MAF: variants seen among roughly 807,000 people sequenced by gnomAD.
MAF encodes the protein transcription factor Maf.
In MAF, 10 loss-of-function variants were observed where a neutral mutation model predicts 22.0. The ratio of observed to expected loss-of-function variants is 0.45; its 90% CI spans 0.28 to 0.77. The LOEUF (loss-of-function observed/expected upper bound fraction) is 0.77. MAF is among the 30% of genes least tolerant of loss of function. The pLI is 0.12. For missense variants in MAF, 544 were observed against 548.4 expected, an observed-to-expected ratio of 0.99 and a Z score of 0.08; for synonymous variants, 337 against 255.8, an observed-to-expected ratio of 1.32 and a Z score of -3.03.
the MAF span, among the ~76,000 whole-genome samples, chr16:79,494,136 CA>C: frequency 1.3e-5 from 2 of 152,142 alleles, no homozygotes; most frequent in African/African-American, 4.8e-5. Flanking sequence ...GCTGCCATAA[CA>C]AATGACCATG....
chr16:79,217,657 T>G, the MAF span, among the ~76,000 whole-genome samples: 1 of 152,164 alleles, frequency 6.6e-6, no homozygotes, highest in African/African-American at 2.4e-5. Context: ...GGCCAGTTTC[T>G]CTGCAGTCGT....
At chr16:79,340,687 C>CT in the MAF span, among the ~76,000 whole-genome samples, 1 of 151,916 alleles carries the variant, frequency 6.6e-6, no homozygotes, top group Non-Finnish European at 1.5e-5. Flanking sequence ...CATCGAGTAT[C>CT]TTGCTCATTG....
At chr16:79,274,830 A>C in the MAF span, among the ~76,000 whole-genome samples, 3 of 152,158 alleles carry the variant, frequency 2.0e-5, no homozygotes, top group African/African-American at 4.8e-5. Flanking sequence ...GATTGAACAT[A>C]TTCTAGACAG....
At chr16:79,291,318 C>G in the MAF span, among the ~76,000 whole-genome samples, 1 of 152,068 alleles carries the variant, frequency 6.6e-6, no homozygotes, top group Admixed American at 6.5e-5. Flanking sequence ...GTGGGAGGGA[C>G]GGAGAAGCCA....
the MAF span, among the ~76,000 whole-genome samples, chr16:79,305,446 T>C: frequency 2.2e-3 from 333 of 152,170 alleles, no homozygotes; most frequent in African/African-American, 7.6e-3. Context: ...CCCTGGGGCT[T>C]GTGGGGAGTG....
At chr16:79,573,759 A>T in the MAF span, among the ~76,000 whole-genome samples, 1 of 152,158 alleles carries the variant, frequency 6.6e-6, no homozygotes, top group Non-Finnish European at 1.5e-5. Flanking sequence ...TAATAGCACT[A>T]GTGCAGACTA....
At chr16:79,574,303 A>G in the MAF span, among the ~76,000 whole-genome samples, 69 of 152,332 alleles carry the variant, frequency 4.5e-4, no homozygotes, top group African/African-American at 1.6e-3. Flanking sequence ...TTTAGCCCCA[A>G]TCACACAGTA....
At chr16:79,335,471 C>G in the MAF span, among the ~76,000 whole-genome samples, 32 of 152,198 alleles carry the variant, frequency 2.1e-4, no homozygotes, top group African/African-American at 7.5e-4. Context: ...TTCAGAAAGA[C>G]CAGGGGGGAC....
chr16:79,353,876 C>T, the MAF span, among the ~76,000 whole-genome samples: 2 of 152,190 alleles, frequency 1.3e-5, no homozygotes, highest in East Asian at 3.9e-4. Context: ...TAAAGCCCTC[C>T]TTCAGTGTTT....
At chr16:79,476,365 G>C in the MAF span, among the ~76,000 whole-genome samples, 1 of 152,198 alleles carries the variant, frequency 6.6e-6, no homozygotes, top group African/African-American at 2.4e-5. Context: ...GTTAGCTGCT[G>C]AATTGATGGT....
At chr16:79,376,992 A>G in the MAF span, among the ~76,000 whole-genome samples, 2 of 152,212 alleles carry the variant, frequency 1.3e-5, no homozygotes, top group Non-Finnish European at 2.9e-5. Flanking sequence ...ATACGTGTGC[A>G]TGTGTCTTTA....
At chr16:79,361,501 T>C in the MAF span, among the ~76,000 whole-genome samples, 1 of 152,078 alleles carries the variant, frequency 6.6e-6, no homozygotes, top group African/African-American at 2.4e-5. Flanking sequence ...TTTAGCACTT[T>C]CCCCCGGATT....
the MAF span, among the ~76,000 whole-genome samples, chr16:79,537,166 T>C: frequency 0.067 from 10,188 of 152,268 alleles, 528 homozygotes; most frequent in Non-Finnish European, 0.088. Flanking sequence ...GTGGGTCATT[T>C]GGTGAATCTA....
the MAF span, among the ~76,000 whole-genome samples, chr16:79,207,211 A>G: frequency 6.6e-6 from 1 of 152,206 alleles, no homozygotes; most frequent in Admixed American, 6.5e-5. Flanking sequence ...TTCTGTTCCT[A>G]GTGGTGTATT....
the MAF span, among the ~76,000 whole-genome samples, chr16:79,426,938 TGTGTG>T: frequency 6.6e-6 from 1 of 152,200 alleles, no homozygotes; most frequent in Non-Finnish European, 1.5e-5. Context: ...CGACATTCTT[TGTGTG>T]CCTGAATCAA....
the MAF span, among the ~76,000 whole-genome samples, chr16:79,369,640 G>A: frequency 1.3e-5 from 2 of 152,224 alleles, no homozygotes; most frequent in African/African-American, 2.4e-5. Context: ...AAGCAACTTT[G>A]GGGGAATTGT....
the MAF span, among the ~76,000 whole-genome samples, chr16:79,264,819 A>G: frequency 6.6e-6 from 1 of 152,134 alleles, no homozygotes; most frequent in African/African-American, 2.4e-5. Context: ...TGTCTTCAAG[A>G]CAGCGGTTCC....
the MAF span, among the ~76,000 whole-genome samples, chr16:79,267,845 ATTT>A: frequency 6.6e-6 from 1 of 151,262 alleles, no homozygotes; most frequent in East Asian, 1.9e-4. Flanking sequence ...GTGACAGATT[ATTT>A]CTTTCCACTA....
the MAF span, among the ~76,000 whole-genome samples, chr16:79,424,821 C>T: frequency 3.9e-5 from 6 of 152,132 alleles, no homozygotes; most frequent in African/African-American, 1.4e-4. Flanking sequence ...CATGTTCTAG[C>T]CAATTTGTTG....
Sources: gnomAD v4.1 joint callset for allele counts (sites outside exome capture counted in the v4.1 genomes callset) on GRCh38, gnomAD v4.1.1 for gene constraint, MANE v1.5 for transcripts, NCBI Gene and HGNC (gene_info 2026-07-23, HGNC 2026-07-21) for gene names.